Variants in SNX9 observed in about 807,000 individuals in gnomAD.
The protein encoded by SNX9 is sorting nexin-9.
SNX9 carries 44 observed loss-of-function variants against 89.4 expected under a neutral mutation model. The observed-to-expected ratio is 0.49, with a 90% CI of 0.39 to 0.63. The LOEUF (loss-of-function observed/expected upper bound fraction) is 0.63. Ranked by LOEUF, SNX9 falls within the 30% of genes least tolerant of loss-of-function variation. The probability of loss-of-function intolerance (pLI) is 0.00; values close to 1 mark genes in which losing one functional copy is unlikely to be tolerated. For missense variants in SNX9, 578 were observed against 736.1 expected (o/e 0.79, Z 2.49); for synonymous variants, 236 against 247.8 (o/e 0.95, Z 0.45).
chr6:157,893,608 T>TTGTGTGTGTGTGTG (rs3047741), intron 4 of SNX9, among the ~76,000 whole-genome samples: 1 of 148,754 alleles, frequency 6.7e-6, no homozygotes, highest in Non-Finnish European at 1.5e-5. Context: ...CTAGCACCAT[T>TTGTGTGTGTGTGTG]TGTGTGTGTG....
At chr6:157,854,568 A>G (rs1157316652) in intron 1 of SNX9, among the ~76,000 whole-genome samples, 3 of 152,212 alleles carry the variant, frequency 2.0e-5, no homozygotes, top group Non-Finnish European at 4.4e-5. Flanking sequence ...AATTTATAAC[A>G]TTTTGAGGGA....
chr6:157,925,181 G>GA (rs1202476515), intron 10 of SNX9, among the ~76,000 whole-genome samples: 3 of 152,176 alleles, frequency 2.0e-5, no homozygotes, highest in Non-Finnish European at 4.4e-5. Flanking sequence ...AAGCCCAGTG[G>GA]AAAAATAGGA....
In SNX9 at chr6:157,901,982, C is replaced by G; in HGVS notation, c.557C>G (p.Ala186Gly). The G allele has an allele frequency of 6.2e-7, 1 of 1,613,802 alleles. No individual in the cohort carries two copies. The highest frequency in any genetic ancestry group is 1.1e-5 in the South Asian group (1 of 91,074). Residue 186 changes from alanine (A) to glycine (G), a missense_variant, in exon 6 of 18, where the codon GCA becomes GGA. This residue lies in a region of SNX9 where 230 missense variants were observed against 244.7 expected (regional missense o/e 0.94). Transcript: ENST00000392185. ...TTTAAGGATTCAGAGTCAGCTGATGCAGGCGGCGCTCAGCGAGGAAACAGT... is the reference window on the plus strand; with the variant it reads ...TTTAAGGATTCAGAGTCAGCTGATGGAGGCGGCGCTCAGCGAGGAAACAGT... The part of the protein sequence containing the change: ...SYFKDSESAD[A>G]GGAQRGNSRA...
Position 157,935,975 on chromosome 6 carries a change from C to G in SNX9, c.1378C>G (p.Leu460Val). 1.9e-6 allele frequency: 3 copies of G among 1,611,374 alleles called. No homozygotes were observed. Among genetic ancestry groups the G allele is most frequent in the Non-Finnish European group, 2.5e-6 (3 of 1,178,650 alleles). ...SSSGYQGETD[L>V]NDAITEAGKT... ...TTGATCATTTTCAGGTGAAACAGAT[C>G]TCAATGATGCAATAACAGAAGCAGG... The change falls in exon 14 of 18, where the codon CTC (leucine) becomes GTC (valine). Residue 460 changes from leucine (L) to valine (V), a missense_variant. This residue lies in a region of SNX9 where 348 missense variants were observed against 491.4 expected (regional missense o/e 0.71). Transcript: ENST00000392185.
At chr6:157,895,331 A>G (rs1334709485) in intron 4 of SNX9, among the ~76,000 whole-genome samples, 4 of 152,182 alleles carry the variant, frequency 2.6e-5, no homozygotes, top group Admixed American at 2.6e-4. Flanking sequence ...AATCAGAGTT[A>G]GGAGGGGTCT....
At chr6:157,889,430 CAAAAAAAAAA>C (rs56303673) in intron 4 of SNX9, among the ~76,000 whole-genome samples, 3 of 58,504 alleles carry the variant, frequency 5.1e-5, no homozygotes, top group African/African-American at 1.5e-4. Flanking sequence ...GACCCTGTCT[CAAAAAAAAAA>C]AAAAAAAAAA....
At chr6:157,927,043 G>C (rs959550262) in intron 10 of SNX9, 68 bp from the exon 11 acceptor site, 13 of 1,232,144 alleles carry the variant, frequency 1.1e-5, no homozygotes, top group African/African-American at 4.5e-5. Context: ...AGCTGGTCCT[G>C]TTTGGGAATT....
At chr6:157,838,154 A>G (rs910594316) in intron 1 of SNX9, among the ~76,000 whole-genome samples, 2 of 151,902 alleles carry the variant, frequency 1.3e-5, no homozygotes, top group African/African-American at 2.4e-5. Flanking sequence ...CTGGGACTAC[A>G]GGCATGCATC....
At chr6:157,845,105 C>CTTT (rs35257389) in intron 1 of SNX9, among the ~76,000 whole-genome samples, 49 of 124,782 alleles carry the variant, frequency 3.9e-4, no homozygotes, top group Admixed American at 4.1e-4. Flanking sequence ...TCCCATTTGT[C>CTTT]TTTTTTTTTT....
intron 3 of SNX9, 194 bp from the exon 4 acceptor site, chr6:157,874,857 A>G: frequency 2.0e-6 from 1 of 503,922 alleles, no homozygotes. Flanking sequence ...TCGAGAAATT[A>G]AAAAATAGTT....
chr6:157,932,321 C>A, intron 13 of SNX9, 49 bp downstream of exon 13: 1 of 1,515,020 alleles, frequency 6.6e-7, no homozygotes, highest in Non-Finnish European at 9.2e-7. Context: ...CTTATGTAGA[C>A]CTGTCACCTG....
intron 1 of SNX9, chr6:157,830,163 A>T (rs1276315611): frequency 6.6e-6 from 1 of 152,218 alleles, no homozygotes; most frequent in East Asian, 1.9e-4. Context: ...ATCATATTGT[A>T]CTGTGTCTTT....
chr6:157,832,397 A>G (rs1781494847), intron 1 of SNX9, among the ~76,000 whole-genome samples: 1 of 152,210 alleles, frequency 6.6e-6, no homozygotes, highest in South Asian at 2.1e-4. Flanking sequence ...CAAAGGGCAC[A>G]ATGTCTTGAA....
chr6:157,912,714 G>GA (rs748370728), intron 9 of SNX9, among the ~76,000 whole-genome samples: 1 of 152,076 alleles, frequency 6.6e-6, no homozygotes, highest in Non-Finnish European at 1.5e-5. Context: ...GATAATTCAT[G>GA]AAAAAATGTA....
At position 157,896,939 on chromosome 6, in the gene SNX9, C is replaced by T. The variant is rs762805702; in HGVS notation, c.413C>T (p.Thr138Ile). Residue 138 changes from threonine (T) to isoleucine (I), a missense_variant, in exon 5 of 18, where the codon ACA (threonine) becomes ATA (isoleucine). By Grantham distance (89) the Thr-to-Ile change is moderately conservative. This residue lies in a region of SNX9 where 230 missense variants were observed against 244.7 expected (regional missense o/e 0.94). Coordinates refer to ENST00000392185, the MANE Select transcript of SNX9 (RefSeq NM_016224.5). The stretch of plus-strand genomic sequence containing the variant: ...GAGGGGGCTGGAGCCCAAAGAAACA[C>T]AAACACTCCCAACAACTGGGACACT... The part of the protein sequence containing the change: ...QPEGAGAQRN[T>I]NTPNNWDTAF... 1 of 1,612,818 alleles carries T rather than the reference C, an allele frequency of 6.2e-7. No individual in the cohort carries two copies. The highest frequency in any genetic ancestry group is 8.5e-7 in the Non-Finnish European group (1 of 1,179,688).
chr6:157,855,994 C>T (rs902962853), intron 1 of SNX9, among the ~76,000 whole-genome samples: 4 of 152,186 alleles, frequency 2.6e-5, no homozygotes, highest in African/African-American at 9.7e-5. Context: ...GATGATCCAC[C>T]CGCCTCGGCC....
chr6:157,871,728 A>G (rs1782416209), intron 2 of SNX9, among the ~76,000 whole-genome samples: 1 of 149,972 alleles, frequency 6.7e-6, no homozygotes, highest in Non-Finnish European at 1.5e-5. Flanking sequence ...AGTTAAATAG[A>G]TTCAGTTTTA....
Position 157,896,714 on chromosome 6 carries a change from TATTA to T in SNX9, c.301-109_301-106del, listed in dbSNP as rs138943171. 3,247 of 1,185,876 alleles carry T rather than the reference TATTA, an allele frequency of 2.7e-3. 65 individuals carry two copies. In the African/African-American group the frequency reaches 0.043, roughly 16 times the overall value. 73.5% of individuals were successfully genotyped at this position (1,185,876 alleles called of 1,614,324 possible). A position where few individuals can be genotyped will look rare whatever the true frequency, so the allele number is the denominator to read the frequency against. On this transcript the variant is annotated intron_variant, in intron 4 of 17. Transcript: ENST00000392185. ...TGTAAAATTGTTTTGAATACATTTC[TATTA>T]ATTGTTTTTAGTACTCCTGTTGTAT...
intron 1 of SNX9, among the ~76,000 whole-genome samples, chr6:157,855,762 G>A (rs188573229): frequency 3.7e-4 from 56 of 152,108 alleles, no homozygotes; most frequent in South Asian, 1.9e-3. Flanking sequence ...ATGGAGTTTC[G>A]CTCTTGTTGC....
Sources: gnomAD v4.1 joint callset for allele counts (sites outside exome capture counted in the v4.1 genomes callset) on GRCh38, gnomAD v4.1.1 for gene constraint, gnomAD v4.1.1 regional missense constraint, MANE v1.5 for transcripts, NCBI Gene and HGNC (gene_info 2026-07-23, HGNC 2026-07-21) for gene names.